Variants in PTPRN2 observed in about 807,000 individuals in gnomAD.
PTPRN2 encodes the protein receptor-type tyrosine-protein phosphatase N2.
PTPRN2 carries 74 observed loss-of-function variants against 118.8 expected under a neutral mutation model. The ratio of observed to expected loss-of-function variants is 0.62; its 90% CI spans 0.52 to 0.76. The LOEUF is 0.76. Among genes scored for constraint, PTPRN2 ranks in the 30% least tolerant of loss-of-function variants. PTPRN2 has a pLI of 0.00. For missense variants in PTPRN2, 1,481 were observed against 1,394.4 expected (o/e 1.06, Z -0.99); for synonymous variants, 641 against 608.0 (o/e 1.05, Z -0.80).
At chr7:157,820,997 C>G (rs1806802540) in intron 12 of PTPRN2, among the ~76,000 whole-genome samples, 1 of 152,130 alleles carries the variant, frequency 6.6e-6, no homozygotes, top group Non-Finnish European at 1.5e-5. Context: ...GGCAAGAGTG[C>G]ACCCTGCAGC....
At chr7:158,408,278 T>G (rs558734265) in intron 2 of PTPRN2, among the ~76,000 whole-genome samples, 1 of 152,296 alleles carries the variant, frequency 6.6e-6, no homozygotes, top group South Asian at 2.1e-4. Flanking sequence ...ATGAATAAAT[T>G]AATAAGAACA....
At chr7:157,949,229 A>C (rs1021079841) in intron 11 of PTPRN2, among the ~76,000 whole-genome samples, 2 of 152,220 alleles carry the variant, frequency 1.3e-5, no homozygotes, top group Non-Finnish European at 2.9e-5. Context: ...AAGTAAAATG[A>C]TGCATTTTGG....
chr7:158,092,580 C>A (rs1485850778), intron 10 of PTPRN2, among the ~76,000 whole-genome samples: 2 of 152,224 alleles, frequency 1.3e-5, no homozygotes, highest in East Asian at 1.9e-4. Flanking sequence ...TGCATTAAAC[C>A]TTTCCCATCT....
intron 2 of PTPRN2, among the ~76,000 whole-genome samples, chr7:158,326,878 TTC>T (rs1354367763): frequency 2.8e-5 from 4 of 144,846 alleles, no homozygotes; most frequent in Admixed American, 1.4e-4. Flanking sequence ...CATGCACACG[TTC>T]TCACACATGC....
In PTPRN2 at chr7:158,517,844, C is replaced by A. The variant is rs182618580; in HGVS notation, c.113-28059G>T. Among the ~76,000 whole-genome samples the A allele has an allele frequency of 6.6e-6, 1 of 152,296 alleles. No individual in the cohort carries two copies. The highest frequency in any genetic ancestry group is 2.4e-5 in the African/African-American group (1 of 41,554). The stretch of plus-strand genomic sequence containing the variant: ...CCTTCGTCACACATCCCACACACCC[C>A]GGTTTGTTCCCACCAGGCCTTCACT... On this transcript the variant is annotated intron_variant, in intron 1 of 22. Transcript: ENST00000389418. The surrounding 1 kb of genome is among the most constrained non-coding windows in gnomAD (Gnocchi z 5.3).
chr7:158,561,021 T>C (rs1186401675), intron 1 of PTPRN2, among the ~76,000 whole-genome samples: 1 of 152,254 alleles, frequency 6.6e-6, no homozygotes, highest in Non-Finnish European at 1.5e-5. Flanking sequence ...CACAGGGTTA[T>C]TCTGTTAGTG....
chr7:157,821,595 G>C (rs180747551), intron 12 of PTPRN2, among the ~76,000 whole-genome samples: 66 of 152,316 alleles, frequency 4.3e-4, no homozygotes, highest in Admixed American at 7.2e-4. Context: ...GCCCACAGTT[G>C]ATGAGGATTG....
chr7:158,340,629 C>A, intron 2 of PTPRN2, among the ~76,000 whole-genome samples: 1 of 109,900 alleles, frequency 9.1e-6, no homozygotes, highest in South Asian at 3.3e-4. Context: ...CTCACACTCA[C>A]ACTCTAGCCA....
intron 3 of PTPRN2, among the ~76,000 whole-genome samples, chr7:158,227,883 G>C (rs577200646): frequency 6.6e-6 from 1 of 152,380 alleles, no homozygotes; most frequent in South Asian, 2.1e-4. Flanking sequence ...ACTGTGCACA[G>C]TGGGGGTGCC....
intron 11 of PTPRN2, among the ~76,000 whole-genome samples, chr7:157,995,482 G>T (rs1207254393): frequency 1.3e-5 from 2 of 152,274 alleles, no homozygotes; most frequent in Admixed American, 6.5e-5. Flanking sequence ...CACCAGTCCA[G>T]CCACATCTGG....
intron 12 of PTPRN2, among the ~76,000 whole-genome samples, chr7:157,819,887 G>C (rs759009430): frequency 6.7e-6 from 1 of 148,542 alleles, no homozygotes; most frequent in Non-Finnish European, 1.5e-5. Flanking sequence ...GCACACAACA[G>C]ACACATGCTT....
intron 5 of PTPRN2, among the ~76,000 whole-genome samples, chr7:158,169,719 GTC>G (rs1330389455): frequency 6.6e-6 from 1 of 151,822 alleles, no homozygotes; most frequent in Non-Finnish European, 1.5e-5. Context: ...TTGAGACGGA[GTC>G]TCTCACTGTC....
intron 12 of PTPRN2, among the ~76,000 whole-genome samples, chr7:157,749,932 G>A (rs1311763105): frequency 1.3e-5 from 2 of 150,054 alleles, no homozygotes; most frequent in Non-Finnish European, 3.0e-5. Context: ...GCTGTGGGGT[G>A]TCCGGGTGAT....
At chr7:158,274,350 A>G (rs112393933) in intron 3 of PTPRN2, among the ~76,000 whole-genome samples, 4,104 of 52,068 alleles carry the variant, frequency 0.079, 438 homozygotes, top group African/African-American at 0.28. Flanking sequence ...CGGGAGAGCC[A>G]CAGACACAGG....
chr7:157,725,155 G>A (rs576063863), intron 12 of PTPRN2, among the ~76,000 whole-genome samples: 4 of 150,892 alleles, frequency 2.7e-5, no homozygotes, highest in African/African-American at 9.8e-5. Flanking sequence ...ACGCAGAGGA[G>A]TGAGCCAGAC....
At chr7:158,191,579 G>A (rs907028469) in intron 5 of PTPRN2, among the ~76,000 whole-genome samples, 14 of 152,114 alleles carry the variant, frequency 9.2e-5, no homozygotes, top group African/African-American at 1.4e-4. Flanking sequence ...CTAACAAGTC[G>A]TCATAAAAAT....
intron 1 of PTPRN2, among the ~76,000 whole-genome samples, chr7:158,582,546 G>T (rs188817931): frequency 4.0e-5 from 6 of 150,494 alleles, no homozygotes; most frequent in African/African-American, 1.5e-4. Context: ...TAGCAAGACC[G>T]TCCTCTCTCA....
intron 3 of PTPRN2, 137 bp downstream of exon 3, chr7:158,316,682 C>T (rs142542816): frequency 1.1e-4 from 69 of 650,958 alleles, no homozygotes; most frequent in Non-Finnish European, 1.5e-4. Flanking sequence ...GCCCAGCGCC[C>T]GGCTCCCACC....
chr7:157,837,173 A>C (rs1808020416), intron 12 of PTPRN2, among the ~76,000 whole-genome samples: 6 of 15,554 alleles, frequency 3.9e-4, no homozygotes, highest in Admixed American at 7.9e-4. Context: ...CCCTCCATCC[A>C]CCCACCCATC....
Sources: allele counts gnomAD v4.1 joint callset (sites outside exome capture counted in the v4.1 genomes callset), GRCh38; gene constraint gnomAD v4.1.1; non-coding constraint Gnocchi (gnomAD v3.1); transcripts MANE v1.5; gene names NCBI Gene and HGNC (gene_info 2026-07-23, HGNC 2026-07-21).